SELENOF: variants seen among roughly 807,000 people sequenced by gnomAD.
SELENOF encodes selenoprotein F.
SELENOF carries 16 observed loss-of-function variants against 20.5 expected under a neutral mutation model. The observed-to-expected ratio is 0.78, with a 90% CI of 0.53 to 1.19. The LOEUF is 1.19. SELENOF is among the 50% of genes most tolerant of loss of function. SELENOF has a pLI of 0.00. For missense variants in SELENOF, 215 were observed against 194.2 expected, an observed-to-expected ratio of 1.11 and a Z score of -0.64; for synonymous variants, 78 against 74.5, an observed-to-expected ratio of 1.05 and a Z score of -0.24.
chr1:86,891,275 C>A (rs1025940849), intron 2 of SELENOF, among the ~76,000 whole-genome samples: 5 of 151,962 alleles, frequency 3.3e-5, no homozygotes, highest in African/African-American at 1.2e-4. Context: ...TCTCAAACTC[C>A]CGACCTCAGG....
Position 86,863,558 on chromosome 1 carries a change from C to G in SELENOF, c.414G>C (p.Gly138=). Reference sequence around the variant, plus strand: ...GAATGCTCAGTTCTTCAGCAATGTTCCCATTGTCGTCCAAAAGCTTTAATA... The same window carrying G: ...GAATGCTCAGTTCTTCAGCAATGTTGCCATTGTCGTCCAAAAGCTTTAATA... ...DPVLKLLDDN[G]NIAEELSILK... Residue 138 remains glycine, a synonymous_variant, in exon 5 of 5, where the codon GGG becomes GGC. Transcript: ENST00000331835. The G allele has an allele frequency of 6.2e-7, 1 of 1,613,564 alleles. No individual in the cohort carries two copies. Among genetic ancestry groups the G allele is most frequent in the Non-Finnish European group, 8.5e-7 (1 of 1,179,580 alleles).
intron 2 of SELENOF, among the ~76,000 whole-genome samples, chr1:86,902,836 A>G (rs1169201662): frequency 2.1e-5 from 3 of 145,182 alleles, no homozygotes; most frequent in African/African-American, 8.0e-5. Context: ...TGTGTAAACT[A>G]ACAGTCCATA....
chr1:86,870,201 G>A (rs1382840694), intron 3 of SELENOF, among the ~76,000 whole-genome samples: 1 of 152,094 alleles, frequency 6.6e-6, no homozygotes, highest in Non-Finnish European at 1.5e-5. Context: ...TTTTACTTTA[G>A]AATTAGATAG....
In SELENOF at chr1:86,863,585, A is replaced by T; in HGVS notation, c.387T>A (p.Pro129=). 1.2e-6 allele frequency: 2 copies of T among 1,613,734 alleles called. No homozygotes were observed. The highest frequency in any genetic ancestry group is 2.2e-5 in the South Asian group (2 of 91,052). The part of the protein sequence containing the change: ...LQIKYVRGSD[P]VLKLLDDNGN... ...CATTGTCGTCCAAAAGCTTTAATAC[A>T]GGGTCTGAACCACGGACATACTACA... Residue 129 remains proline (P), a synonymous_variant, in exon 5 of 5, where the codon CCT becomes CCA. Transcript: ENST00000331835.
At chr1:86,896,373 G>A (rs1223254053) in intron 2 of SELENOF, among the ~76,000 whole-genome samples, 3 of 152,044 alleles carry the variant, frequency 2.0e-5, no homozygotes, top group Non-Finnish European at 2.9e-5. Flanking sequence ...AAAGCATCCA[G>A]CAGCCATAAG....
At chr1:86,896,236 T>G (rs1049030590) in intron 2 of SELENOF, among the ~76,000 whole-genome samples, 1 of 150,108 alleles carries the variant, frequency 6.7e-6, no homozygotes, top group Non-Finnish European at 1.5e-5. Context: ...AGAGCAAAAC[T>G]TTGTCTCAAA....
In SELENOF at chr1:86,862,771, T is replaced by C. The variant is rs1040855934; in HGVS notation, c.*703A>G. The stretch of plus-strand genomic sequence containing the variant: ...ATTTTGGTCTTACAAATGATCACTT[T>C]TAAATGGACTTTTCTGTAAGAATGT... On this transcript the variant is annotated 3_prime_UTR_variant, in exon 5 of 5. Transcript: ENST00000331835. 1 of 152,280 alleles carries C rather than the reference T, an allele frequency of 6.6e-6. No individual in the cohort carries two copies. Among genetic ancestry groups the C allele is most frequent in the Admixed American group, 6.5e-5 (1 of 15,284 alleles). The allele number at this position is 152,280 out of a possible 1,614,324, so 9.4% of individuals were successfully genotyped here. A position where few individuals can be genotyped will look rare whatever the true frequency, so the allele number is the denominator to read the frequency against.
At chr1:86,877,503 T>TGGGGATA (rs1658952698) in intron 3 of SELENOF, among the ~76,000 whole-genome samples, 1 of 152,242 alleles carries the variant, frequency 6.6e-6, no homozygotes, top group African/African-American at 2.4e-5. Flanking sequence ...TGACATATCT[T>TGGGGATA]GGGGATAGGA....
In SELENOF at chr1:86,870,268, T is replaced by A. The variant is rs80217358; in HGVS notation, c.317-2166A>T. On this transcript the variant is annotated intron_variant, in intron 3 of 4. Coordinates refer to ENST00000331835, the MANE Select transcript of SELENOF (RefSeq NM_004261.5). ...CGTCTTCACACATTTGACTCAAATA[T>A]CTCACCTAATCCTCCCCTACAAAAT... Among the ~76,000 whole-genome samples the A allele has an allele frequency of 6.2e-3, 948 of 152,332 alleles. 11 individuals are homozygous for A. Among genetic ancestry groups the A allele is most frequent in the African/African-American group, 0.022 (914 of 41,572 alleles).
At chr1:86,878,338 T>TGTA (rs1465960907) in intron 3 of SELENOF, among the ~76,000 whole-genome samples, 1 of 152,236 alleles carries the variant, frequency 6.6e-6, no homozygotes, top group African/African-American at 2.4e-5. Context: ...TAGAGTATAA[T>TGTA]GTAGGTTATC....
rs1469769979 is a variant in SELENOF, at chr1:86,914,101, A to T, written c.11T>A (p.Met4Lys). 2 of 1,613,948 alleles carry T rather than the reference A, an allele frequency of 1.2e-6. No individual in the cohort carries two copies. The highest frequency in any genetic ancestry group is 2.2e-5 in the South Asian group (2 of 91,084). Residue 4 changes from methionine (M) to lysine (K), a missense_variant, in exon 1 of 5, where the codon ATG becomes AAG. Physicochemically the swap from Met to Lys is moderately conservative, Grantham distance 95. Coordinates refer to ENST00000331835, the MANE Select transcript of SELENOF (RefSeq NM_004261.5). ...CAGACACCCACTCGGCCCAGCCGCC[A>T]TCGCTACCATTTTCCGCAGGTTTCT... MVAMAAGPSGCLVP... is the reference protein window; with the variant it reads MVAKAAGPSGCLVP...
At chr1:86,900,407 G>A (rs1480885993) in intron 2 of SELENOF, among the ~76,000 whole-genome samples, 1 of 150,416 alleles carries the variant, frequency 6.6e-6, no homozygotes, top group African/African-American at 2.5e-5. Context: ...CCAACACAGC[G>A]AAACCCCGTC....
chr1:86,913,147 T>C lies in SELENOF; in HGVS notation c.84+881A>G, dbSNP rs529614396. ...TGAGAAAGGTAAGTACAGGTGTTCA[T>C]AGAGGACTCCGGTGTAGTCCCTTAA... On this transcript the variant is annotated intron_variant, in intron 1 of 4. Coordinates refer to ENST00000331835, the MANE Select transcript of SELENOF (RefSeq NM_004261.5). Among the ~76,000 whole-genome samples, 37 of 152,254 alleles carry C rather than the reference T, an allele frequency of 2.4e-4. No individual in the cohort carries two copies. In the East Asian group the frequency reaches 7.0e-3, roughly 29 times the overall value.
intron 2 of SELENOF, among the ~76,000 whole-genome samples, chr1:86,901,095 G>A (rs555797918): frequency 1.8e-4 from 27 of 152,200 alleles, no homozygotes; most frequent in African/African-American, 4.8e-4. Context: ...GTTTCACCAC[G>A]TTGCCCAGAC....
chr1:86,874,671 A>AT (rs1658878570), intron 3 of SELENOF, among the ~76,000 whole-genome samples: 1 of 152,154 alleles, frequency 6.6e-6, no homozygotes, highest in Admixed American at 6.5e-5. Flanking sequence ...ACAAAGAAGT[A>AT]TATGTTCTGA....
intron 3 of SELENOF, among the ~76,000 whole-genome samples, chr1:86,869,038 A>C (rs767122180): frequency 6.6e-6 from 1 of 152,230 alleles, no homozygotes; most frequent in Non-Finnish European, 1.5e-5. Context: ...AAGAAATGCC[A>C]TAACAATGAG....
At chr1:86,867,559 G>A (rs1470342769) in intron 4 of SELENOF, among the ~76,000 whole-genome samples, 1 of 152,016 alleles carries the variant, frequency 6.6e-6, no homozygotes, top group African/African-American at 2.4e-5. Flanking sequence ...TGGGGAAGAG[G>A]GAGAGAAATG....
chr1:86,900,344 T>G (rs552624673), intron 2 of SELENOF, among the ~76,000 whole-genome samples: 2,962 of 150,956 alleles, frequency 0.02, 101 homozygotes, highest in African/African-American at 0.062. Flanking sequence ...CCGGCACCTC[T>G]GGAGGCCGAG....
chr1:86,896,431 ATAACCCACTTATT>A (rs1477176283), intron 2 of SELENOF, among the ~76,000 whole-genome samples: 2 of 152,220 alleles, frequency 1.3e-5, no homozygotes, highest in Non-Finnish European at 2.9e-5. Flanking sequence ...GATGAGAAAA[ATAACCCACTTATT>A]TAACCCACTA....
Sources: allele counts gnomAD v4.1 joint callset (sites outside exome capture counted in the v4.1 genomes callset), GRCh38; gene constraint gnomAD v4.1.1; transcripts MANE v1.5; gene names NCBI Gene and HGNC (gene_info 2026-07-23, HGNC 2026-07-21).